The following NUFIP2 variants were observed in gnomAD, a reference collection of about 807,000 sequenced individuals.
NUFIP2 encodes FMR1-interacting protein NUFIP2.
Under a neutral mutation model 56.9 loss-of-function variants are expected in NUFIP2, and 6 were observed. The ratio of observed to expected loss-of-function variants is 0.11; its 90% CI spans 0.06 to 0.21. The LOEUF is 0.21. Ranked by LOEUF, NUFIP2 falls within the 10% of genes least tolerant of loss-of-function variation. The pLI, the probability that NUFIP2 is intolerant of heterozygous loss-of-function variation, is 1.00. For missense variants in NUFIP2, 828 were observed against 826.8 expected (o/e 1.00, Z -0.02); for synonymous variants, 321 against 298.2 (o/e 1.08, Z -0.79).
intron 2 of NUFIP2, among the ~76,000 whole-genome samples, chr17:29,274,299 A>G (rs1010055680): frequency 6.6e-6 from 1 of 152,198 alleles, no homozygotes; most frequent in African/African-American, 2.4e-5. Context: ...GTGAGACCCT[A>G]TGTCTACAAA....
chr17:29,277,185 C>T (rs1280027271), intron 2 of NUFIP2, among the ~76,000 whole-genome samples: 9 of 152,088 alleles, frequency 5.9e-5, no homozygotes, highest in African/African-American at 1.9e-4. Context: ...CCACCATGCC[C>T]GGCTCATTTT....
intron 1 of NUFIP2, among the ~76,000 whole-genome samples, chr17:29,292,290 C>A (rs2069219248): frequency 6.6e-6 from 1 of 151,946 alleles, no homozygotes; most frequent in Non-Finnish European, 1.5e-5. Context: ...AAAGAGGGGT[C>A]AAAAAGCTCG....
Position 29,276,023 on chromosome 17 carries a change from G to A in NUFIP2, c.2003-8493C>T, listed in dbSNP as rs527400234. On this transcript the variant is annotated intron_variant, in intron 2 of 3. Coordinates refer to ENST00000225388, the MANE Select transcript of NUFIP2 (RefSeq NM_020772.3). ...AGCCTAGGTGACAGAGTAAGACTCC[G>A]TCTCAAATATATATATATATATATA... 1.8e-4 allele frequency among the ~76,000 whole-genome samples: 20 copies of A among 110,590 alleles called. 1 individual carries two copies. Among genetic ancestry groups the A allele is most frequent in the African/African-American group, 5.7e-4 (15 of 26,366 alleles). 72.6% of individuals were successfully genotyped at this position (110,590 alleles called of 152,430 possible). A position where few individuals can be genotyped will look rare whatever the true frequency, so the allele number is the denominator to read the frequency against.
At position 29,259,116 on chromosome 17, in the gene NUFIP2, C is replaced by A. The variant is rs1338779265; in HGVS notation, c.*5423G>T. On this transcript the variant is annotated 3_prime_UTR_variant, in exon 4 of 4. Coordinates refer to ENST00000225388, the MANE Select transcript of NUFIP2 (RefSeq NM_020772.3). ...AAAGCAGACATCACTAAAGCAGTAT[C>A]CATTTTCAGAGCCTTTGATTAGCAC... 1 of 152,142 alleles carries A rather than the reference C, an allele frequency of 6.6e-6. No homozygotes were observed. Among genetic ancestry groups the A allele is most frequent in the Non-Finnish European group, 1.5e-5 (1 of 68,020 alleles). 9.4% of individuals were successfully genotyped at this position (152,142 alleles called of 1,614,324 possible).
At chr17:29,279,579 C>T (rs970940499) in intron 2 of NUFIP2, among the ~76,000 whole-genome samples, 25 of 152,130 alleles carry the variant, frequency 1.6e-4, no homozygotes, top group African/African-American at 4.8e-4. Context: ...TGTTGCACAA[C>T]CTTGAGTGCA....
At chr17:29,273,801 A>C (rs970746901) in intron 2 of NUFIP2, among the ~76,000 whole-genome samples, 6 of 152,132 alleles carry the variant, frequency 3.9e-5, no homozygotes, top group Admixed American at 6.5e-5. Context: ...TTACATCAAA[A>C]CTTATATTTA....
intron 2 of NUFIP2, among the ~76,000 whole-genome samples, chr17:29,273,045 CAT>C (rs5819862): frequency 0.22 from 32,476 of 148,454 alleles, 3,948 homozygotes; most frequent in South Asian, 0.34. Context: ...CACACACACA[CAT>C]ATATATATAT....
intron 2 of NUFIP2, among the ~76,000 whole-genome samples, chr17:29,274,368 G>A (rs959359686): frequency 6.6e-6 from 1 of 152,150 alleles, no homozygotes; most frequent in Non-Finnish European, 1.5e-5. Context: ...AGCTACTCAG[G>A]AGGCTGAAGC....
chr17:29,292,001 ACG>A (rs1221696844), intron 1 of NUFIP2, among the ~76,000 whole-genome samples: 11 of 152,248 alleles, frequency 7.2e-5, no homozygotes, highest in Non-Finnish European at 1.6e-4. Flanking sequence ...GGTTTAACAT[ACG>A]CTTTCTTACG....
In NUFIP2 at chr17:29,286,088, C is replaced by T. The variant is rs746351734; in HGVS notation, c.1906G>A (p.Gly636Ser). 1.9e-6 allele frequency: 3 copies of T among 1,613,876 alleles called. No individual in the cohort carries two copies. The African/African-American group carries it at 4.0e-5, about 22-fold the overall frequency. ...TGGTATCTCTGTTCTTTGGCAGAGCCTAACAAAGTGTTCGTAGGAGAGGCC... is the reference window on the plus strand; with the variant it reads ...TGGTATCTCTGTTCTTTGGCAGAGCTTAACAAAGTGTTCGTAGGAGAGGCC... ...PLASPTNTLL[G>S]SAKEQRYQRG... The change falls in exon 2 of 4, where the codon GGC (glycine) becomes AGC (serine). Residue 636 changes from glycine to serine, a missense_variant. Physicochemically the swap from Gly to Ser is moderately conservative, Grantham distance 56 (BLOSUM62 0). Coordinates refer to ENST00000225388, the MANE Select transcript of NUFIP2 (RefSeq NM_020772.3).
chr17:29,290,845 T>C (rs1184966132), intron 1 of NUFIP2, among the ~76,000 whole-genome samples: 1 of 152,012 alleles, frequency 6.6e-6, no homozygotes, highest in East Asian at 1.9e-4. Context: ...GTCACAACTT[T>C]TCAGATTTCA....
Position 29,285,980 on chromosome 17 carries a change from C to T in NUFIP2, c.2002+12G>A. On this transcript the variant is annotated intron_variant, in intron 2 of 3. Coordinates refer to ENST00000225388, the MANE Select transcript of NUFIP2 (RefSeq NM_020772.3). ...CCAATAAAAATCTTTGTATAGGAAA[C>T]AAATGAGTTACCTTTAGTGTGATAT... 6.3e-7 allele frequency: 1 copy of T among 1,575,112 alleles called. No individual in the cohort carries two copies. Among genetic ancestry groups the T allele is most frequent in the Non-Finnish European group, 8.6e-7 (1 of 1,161,076 alleles).
intron 2 of NUFIP2, among the ~76,000 whole-genome samples, chr17:29,269,604 G>A (rs957885467): frequency 2.6e-5 from 4 of 151,908 alleles, no homozygotes; most frequent in African/African-American, 9.7e-5. Flanking sequence ...AATCTCCTGG[G>A]TTCAAGCAAT....
chr17:29,256,789 A>C lies in NUFIP2; in HGVS notation c.*7750T>G, dbSNP rs1315570653. The C allele has an allele frequency of 1.3e-5, 2 of 152,194 alleles. No homozygotes were observed. The highest frequency in any genetic ancestry group is 2.4e-5 in the African/African-American group (1 of 41,462). 9.4% of individuals were successfully genotyped at this position (152,194 alleles called of 1,614,324 possible). A position where few individuals can be genotyped will look rare whatever the true frequency, so the allele number is the denominator to read the frequency against. ...CATACAGATTGCAGCACTTGAACCA[A>C]ATGTACCCAACTCCTAAACTTGTTC... On this transcript the variant is annotated 3_prime_UTR_variant, in exon 4 of 4. Coordinates refer to ENST00000225388, the MANE Select transcript of NUFIP2 (RefSeq NM_020772.3).
Position 29,264,498 on chromosome 17 carries a change from T to C in NUFIP2, c.*41A>G, listed in dbSNP as rs780876515. 2 of 1,453,452 alleles carry C rather than the reference T, an allele frequency of 1.4e-6. No individual in the cohort carries two copies. The highest frequency in any genetic ancestry group is 3.4e-5 in the Admixed American group (2 of 59,604). 90.0% of individuals were successfully genotyped at this position (1,453,452 alleles called of 1,614,324 possible). Reference sequence around the variant, plus strand: ...CCTTGTGTCCCCCATGAACGATGGCTCTAATGCTGCAGAAAGGTTACGAAT... The same window carrying C: ...CCTTGTGTCCCCCATGAACGATGGCCCTAATGCTGCAGAAAGGTTACGAAT... On this transcript the variant is annotated 3_prime_UTR_variant, in exon 4 of 4. Coordinates refer to ENST00000225388, the MANE Select transcript of NUFIP2 (RefSeq NM_020772.3).
At chr17:29,291,927 A>C (rs1176892564) in intron 1 of NUFIP2, among the ~76,000 whole-genome samples, 3 of 150,216 alleles carry the variant, frequency 2.0e-5, no homozygotes, top group East Asian at 4.2e-4. Flanking sequence ...TACAATCTGC[A>C]ATAAAAAAGC....
chr17:29,274,627 T>C (rs2069096315), intron 2 of NUFIP2, among the ~76,000 whole-genome samples: 1 of 152,160 alleles, frequency 6.6e-6, no homozygotes, highest in Non-Finnish European at 1.5e-5. Flanking sequence ...ATGAGAGATT[T>C]AGAGAAAGAA....
chr17:29,284,833 T>C (rs191112348), intron 2 of NUFIP2, among the ~76,000 whole-genome samples: 7 of 152,108 alleles, frequency 4.6e-5, no homozygotes, highest in Admixed American at 1.3e-4. Flanking sequence ...GAGCCTGGTC[T>C]CAACTATGCT....
Position 29,261,581 on chromosome 17 carries a change from G to A in NUFIP2, c.*2958C>T, listed in dbSNP as rs1445837177. 6.6e-6 allele frequency: 1 copy of A among 152,408 alleles called. No homozygotes were observed. The highest frequency in any genetic ancestry group is 2.4e-5 in the African/African-American group (1 of 41,424). The allele number at this position is 152,408 out of a possible 1,614,324, so 9.4% of individuals were successfully genotyped here. ...ATTTAAATGTGCTAAATTAATCACA[G>A]CTGAAGTTTGTTTAGAAGCTTACAC... is the stretch of plus-strand genomic sequence containing the variant. On this transcript the variant is annotated 3_prime_UTR_variant, in exon 4 of 4. Transcript: ENST00000225388.
Sources: allele counts gnomAD v4.1 joint callset (sites outside exome capture counted in the v4.1 genomes callset), GRCh38; gene constraint gnomAD v4.1.1; transcripts MANE v1.5; gene names NCBI Gene and HGNC (gene_info 2026-07-23, HGNC 2026-07-21).